Variants in XRCC5 observed in about 807,000 individuals in gnomAD.
XRCC5 encodes X-ray repair cross complementing 5.
In XRCC5, 12 loss-of-function variants were observed where a neutral mutation model predicts 95.7. The observed-to-expected ratio is 0.13, with a 90% confidence interval of 0.08 to 0.20. The LOEUF (loss-of-function observed/expected upper bound fraction) is 0.20, where lower values mean the gene tolerates loss of function less well. XRCC5 is among the 10% of genes least tolerant of loss of function. The pLI is 1.00. For synonymous variants in XRCC5, 281 were observed against 290.3 expected (o/e 0.97, Z 0.33); for missense variants, 595 against 873.9 (o/e 0.68, Z 4.02).
At chr2:216,182,172 T>C (rs1308107435) in intron 16 of XRCC5, among the ~76,000 whole-genome samples, 3 of 152,166 alleles carry the variant, frequency 2.0e-5, no homozygotes, top group African/African-American at 7.2e-5. Context: ...TTTCTCTCCT[T>C]GGTGAGGAGT....
chr2:216,203,610 A>G (rs1438158393), intron 19 of XRCC5, among the ~76,000 whole-genome samples: 1 of 152,222 alleles, frequency 6.6e-6, no homozygotes, highest in African/African-American at 2.4e-5. Flanking sequence ...ACTTTGCTGT[A>G]TTACTATGTA....
chr2:216,186,300 G>C (rs888762087), intron 16 of XRCC5, among the ~76,000 whole-genome samples: 6 of 152,334 alleles, frequency 3.9e-5, no homozygotes, highest in African/African-American at 1.4e-4. Flanking sequence ...TGTGCAATGA[G>C]AGGGGAGGTG....
chr2:216,194,771 G>A, intron 18 of XRCC5, 148 bp from the exon 19 acceptor site: 1 of 724,884 alleles, frequency 1.4e-6, no homozygotes, highest in Non-Finnish European at 2.3e-6. Flanking sequence ...AGGAGTCTGA[G>A]ACCAGCCTGG....
intron 16 of XRCC5, among the ~76,000 whole-genome samples, chr2:216,181,689 C>G (rs1216632096): frequency 2.6e-5 from 4 of 152,176 alleles, no homozygotes; most frequent in Admixed American, 2.6e-4. Flanking sequence ...ATCAGTGAGA[C>G]AAAATGACCT....
intron 2 of XRCC5, among the ~76,000 whole-genome samples, chr2:216,114,995 C>T (rs570098394): frequency 8.6e-5 from 13 of 151,476 alleles, no homozygotes; most frequent in African/African-American, 2.7e-4. Context: ...AAGATGGCGC[C>T]GGTGGTTGGG....
At chr2:216,112,524 G>T (rs1157769757) in intron 1 of XRCC5, among the ~76,000 whole-genome samples, 1 of 152,186 alleles carries the variant, frequency 6.6e-6, no homozygotes, top group Non-Finnish European at 1.5e-5. Flanking sequence ...AATTGTCAGG[G>T]TATACCTCTT....
chr2:216,196,053 A>C (rs1574435524), intron 19 of XRCC5, among the ~76,000 whole-genome samples: 1 of 152,340 alleles, frequency 6.6e-6, no homozygotes, highest in Non-Finnish European at 1.5e-5. Context: ...GGGAAGTGAC[A>C]GATGCAAAGC....
At chr2:216,112,353 C>T (rs1275529100) in intron 1 of XRCC5, among the ~76,000 whole-genome samples, 4 of 152,222 alleles carry the variant, frequency 2.6e-5, no homozygotes, top group African/African-American at 4.8e-5. Flanking sequence ...CTGGTATCCC[C>T]TCCACCAGTC....
At chr2:216,182,433 C>G (rs1165856885) in intron 16 of XRCC5, among the ~76,000 whole-genome samples, 1 of 152,088 alleles carries the variant, frequency 6.6e-6, no homozygotes, top group Non-Finnish European at 1.5e-5. Context: ...TTACATTTTT[C>G]CTTTCCCCTA....
At chr2:216,156,940 C>T (rs868522819) in intron 14 of XRCC5, 8 of 306,100 alleles carry the variant, frequency 2.6e-5, no homozygotes, top group South Asian at 8.9e-5. Context: ...GGGAGAGTTT[C>T]GAGAGATTTA....
intron 10 of XRCC5, among the ~76,000 whole-genome samples, chr2:216,136,130 G>A (rs1421822793): frequency 6.6e-6 from 1 of 152,110 alleles, no homozygotes; most frequent in Non-Finnish European, 1.5e-5. Context: ...GCCGAGGCAG[G>A]CGGATCACCT....
rs1455598248 is a variant in XRCC5 at position 216,144,901 on chromosome 2, T to TA, written c.1477-3181dup. Among the ~76,000 whole-genome samples the TA allele has an allele frequency of 3.3e-5, 5 of 152,168 alleles. No individual in the cohort carries two copies. In the East Asian group the frequency reaches 9.6e-4, roughly 29 times the overall value. On this transcript the variant is annotated intron_variant, in intron 13 of 20. Coordinates refer to ENST00000392132, the MANE Select transcript of XRCC5 (RefSeq NM_021141.4). ...AATTAGACATATAAAAAAGGGTTGT[T>TA]ACAAAACCAAACCAAATGCTCCTAC...
intron 15 of XRCC5, among the ~76,000 whole-genome samples, chr2:216,160,923 G>A (rs941839989): frequency 1.3e-5 from 2 of 151,830 alleles, no homozygotes; most frequent in Non-Finnish European, 2.9e-5. Context: ...GTTACTCCTG[G>A]GCTCAAGCAA....
At chr2:216,167,611 T>A (rs1480631775) in intron 16 of XRCC5, among the ~76,000 whole-genome samples, 4 of 143,540 alleles carry the variant, frequency 2.8e-5, no homozygotes, top group Non-Finnish European at 6.0e-5. Flanking sequence ...TGTGTGTGTG[T>A]GTGATTTTTT....
Position 216,138,824 on chromosome 2 carries a change from C to T in XRCC5, c.1342+645C>T, listed in dbSNP as rs181469981. ...GAAGTAGAAAACATACCAAAAAGAA[C>T]AACAAATGATGAGTAGATGTTTTAG... On this transcript the variant is annotated intron_variant, in intron 12 of 20. Coordinates refer to ENST00000392132, the MANE Select transcript of XRCC5 (RefSeq NM_021141.4). 2.1e-5 allele frequency among the ~76,000 whole-genome samples: 3 copies of T among 142,552 alleles called. No individual in the cohort carries two copies. In the East Asian group the frequency reaches 5.9e-4, roughly 28 times the overall value. 93.5% of individuals were successfully genotyped at this position (142,552 alleles called of 152,430 possible).
chr2:216,168,109 A>G (rs1419074692), intron 16 of XRCC5, among the ~76,000 whole-genome samples: 1 of 152,212 alleles, frequency 6.6e-6, no homozygotes, highest in Non-Finnish European at 1.5e-5. Context: ...AATTGTAGAG[A>G]ATACTTGCTG....
chr2:216,200,722 T>A (rs892676773), intron 19 of XRCC5, among the ~76,000 whole-genome samples: 2 of 152,220 alleles, frequency 1.3e-5, no homozygotes, highest in Non-Finnish European at 2.9e-5. Flanking sequence ...TTCTGACTTC[T>A]GTCACTTGAG....
At chr2:216,167,570 T>TG (rs1689074451) in intron 16 of XRCC5, among the ~76,000 whole-genome samples, 4 of 138,396 alleles carry the variant, frequency 2.9e-5, no homozygotes, top group East Asian at 2.2e-4. Flanking sequence ...GTGTGTGGGT[T>TG]TGTGTGTGTG....
Position 216,119,305 on chromosome 2 carries a change from C to A in XRCC5, c.491+140C>A, listed in dbSNP as rs945353568. On this transcript the variant is annotated intron_variant, in intron 5 of 20. Transcript: ENST00000392132. ...TGAATCTGTCAGATGACTGACTACT[C>A]AGCAAACATTTGCTGGTTACTCTCT... The A allele has an allele frequency of 1.0e-5, 9 of 868,836 alleles. No homozygotes were observed. The South Asian group carries it at 1.7e-4, about 16-fold the overall frequency. The allele number at this position is 868,836 out of a possible 1,614,324, so 53.8% of individuals were successfully genotyped here. A position where few individuals can be genotyped will look rare whatever the true frequency, so the allele number is the denominator to read the frequency against.
Sources: gnomAD v4.1 joint callset for allele counts (sites outside exome capture counted in the v4.1 genomes callset) on GRCh38, gnomAD v4.1.1 for gene constraint, MANE v1.5 for transcripts, NCBI Gene and HGNC (gene_info 2026-07-23, HGNC 2026-07-21) for gene names.